Variants in ACVR1 observed in about 807,000 individuals in gnomAD.
The protein encoded by ACVR1 is activin A receptor type 1.
In ACVR1, 38 loss-of-function variants were observed where a neutral mutation model predicts 57.1. The observed-to-expected ratio is 0.67, with a 90% CI of 0.51 to 0.87. ACVR1 has a LOEUF of 0.87. Among genes scored for constraint, ACVR1 ranks in the 40% least tolerant of loss-of-function variants. The pLI, the probability that ACVR1 is intolerant of heterozygous loss-of-function variation, is 0.00. For missense variants in ACVR1, 463 were observed against 638.2 expected (o/e 0.73, Z 2.96); for synonymous variants, 212 against 228.1 (o/e 0.93, Z 0.63).
intron 3 of ACVR1, among the ~76,000 whole-genome samples, chr2:157,792,826 T>C (rs936319271): frequency 1.3e-5 from 2 of 152,226 alleles, no homozygotes; most frequent in African/African-American, 4.8e-5. Flanking sequence ...CAGTGGGTCT[T>C]ACTCCAAAAT....
At chr2:157,791,378 T>G (rs558600336) in intron 3 of ACVR1, among the ~76,000 whole-genome samples, 13 of 152,358 alleles carry the variant, frequency 8.5e-5, no homozygotes, top group African/African-American at 3.1e-4. Context: ...CCACTGTCTC[T>G]TATTATCTTT....
intron 9 of ACVR1, among the ~76,000 whole-genome samples, chr2:157,759,125 A>G (rs1160089345): frequency 3.9e-5 from 6 of 152,032 alleles, no homozygotes; most frequent in Admixed American, 6.5e-5. Context: ...AATTAATAGA[A>G]TAAGAAAGGT....
rs556805773 is a variant in ACVR1 at position 157,866,553 on chromosome 2, T to C, written c.-183+9243A>G. Among the ~76,000 whole-genome samples, 3 of 152,280 alleles carry C rather than the reference T, an allele frequency of 2.0e-5. No individual in the cohort carries two copies. The East Asian group carries it at 5.8e-4, about 29-fold the overall frequency. ...TTTTCCTCTGGCATTTTTTTCCCCA[T>C]CTTGGAGCTCCGGCAACTTCTTTTT... On this transcript the variant is annotated intron_variant, in intron 1 of 10. Coordinates refer to ENST00000434821, the MANE Select transcript of ACVR1 (RefSeq NM_001111067.4).
At chr2:157,764,363 C>CTTTTTTTTTTT (rs113156681) in intron 8 of ACVR1, among the ~76,000 whole-genome samples, 4 of 133,724 alleles carry the variant, frequency 3.0e-5, no homozygotes, top group African/African-American at 1.1e-4. Context: ...TATTATTTTT[C>CTTTTTTTTTTT]TTTTTTTTTT....
chr2:157,808,822 T>C (rs1687649280), intron 2 of ACVR1, among the ~76,000 whole-genome samples: 1 of 145,214 alleles, frequency 6.9e-6, no homozygotes, highest in Non-Finnish European at 1.5e-5. Flanking sequence ...AGGAGAAAAA[T>C]AGATCCGGCT....
intron 2 of ACVR1, among the ~76,000 whole-genome samples, chr2:157,805,811 T>TTC (rs1397700879): frequency 9.9e-6 from 1 of 100,834 alleles, no homozygotes; most frequent in African/African-American, 2.7e-5. Flanking sequence ...GGTTTTTTTT[T>TTC]TCTTTTTTCT....
chr2:157,860,003 C>T (rs1689669120), intron 1 of ACVR1: 1 of 152,054 alleles, frequency 6.6e-6, no homozygotes, highest in South Asian at 2.1e-4. Flanking sequence ...TTTGAAAAGT[C>T]TACCCCATAC....
chr2:157,762,913 AT>A (rs1482145549), intron 8 of ACVR1, among the ~76,000 whole-genome samples: 1 of 152,158 alleles, frequency 6.6e-6, no homozygotes, highest in African/African-American at 2.4e-5. Context: ...CGTTCAGATG[AT>A]TGCAACCTCC....
chr2:157,776,970 A>G (rs1460960958), intron 5 of ACVR1, among the ~76,000 whole-genome samples: 2 of 152,192 alleles, frequency 1.3e-5, no homozygotes, highest in African/African-American at 4.8e-5. Context: ...GGAGTCTCAA[A>G]TTGGTATTGG....
At position 157,844,745 on chromosome 2, in the gene ACVR1, A is replaced by C. The variant is rs562471224; in HGVS notation, c.-182-26186T>G. On this transcript the variant is annotated intron_variant, in intron 1 of 10. Transcript: ENST00000434821. The stretch of plus-strand genomic sequence containing the variant: ...GTGGTCTGAATGTTGGTGTCCCCAC[A>C]AGAATTCATACATTGGAACCTAATA... Among the ~76,000 whole-genome samples the C allele has an allele frequency of 1.1e-3, 169 of 152,252 alleles. 1 individual carries two copies. The highest frequency in any genetic ancestry group is 3.9e-3 in the African/African-American group (163 of 41,534).
intron 1 of ACVR1, among the ~76,000 whole-genome samples, chr2:157,854,198 G>A (rs1452175135): frequency 2.6e-5 from 3 of 114,546 alleles, no homozygotes; most frequent in Non-Finnish European, 5.0e-5. Context: ...CCCTAAAGGA[G>A]TAAAAAAAAA....
intron 1 of ACVR1, among the ~76,000 whole-genome samples, chr2:157,848,676 T>G (rs1327268977): frequency 6.6e-6 from 1 of 152,232 alleles, no homozygotes; most frequent in Non-Finnish European, 1.5e-5. Flanking sequence ...GCAGTCTAGT[T>G]GGGCTATTGT....
chr2:157,866,074 A>C (rs1689919853), intron 1 of ACVR1, among the ~76,000 whole-genome samples: 1 of 152,148 alleles, frequency 6.6e-6, no homozygotes, highest in African/African-American at 2.4e-5. Context: ...CAAAATAATA[A>C]AGTTATTTTA....
In ACVR1 at chr2:157,794,982, G is replaced by GT. The variant is rs75562281; in HGVS notation, c.67+4444dup. Among the ~76,000 whole-genome samples the GT allele has an allele frequency of 1.6e-3, 232 of 144,436 alleles. 1 individual carries two copies. The highest frequency in any genetic ancestry group is 9.3e-3 in the South Asian group (42 of 4,512). 94.8% of individuals were successfully genotyped at this position (144,436 alleles called of 152,430 possible). ...ACATTTCGGAGACAAAGGGGTAAAAGTTTTTTTTTTTTAAATAGACTAAGA... is the reference window on the plus strand; with the variant it reads ...ACATTTCGGAGACAAAGGGGTAAAAGTTTTTTTTTTTTTAAATAGACTAAGA... On this transcript the variant is annotated intron_variant, in intron 3 of 10. Coordinates refer to ENST00000434821, the MANE Select transcript of ACVR1 (RefSeq NM_001111067.4).
At chr2:157,836,154 T>A (rs1360997161) in intron 1 of ACVR1, among the ~76,000 whole-genome samples, 4 of 152,008 alleles carry the variant, frequency 2.6e-5, no homozygotes, top group Non-Finnish European at 4.4e-5. Context: ...TCATGGGGAG[T>A]CGTATTTCCT....
chr2:157,829,722 T>G (rs1269218583), intron 1 of ACVR1, among the ~76,000 whole-genome samples: 1 of 152,232 alleles, frequency 6.6e-6, no homozygotes, highest in Non-Finnish European at 1.5e-5. Context: ...AGCCCCAGCA[T>G]CACCTCCCAA....
chr2:157,850,380 C>T lies in ACVR1; in HGVS notation c.-183+25416G>A, dbSNP rs368076843. ...ACTCCAGCCTGGGCGACAGAAAAGA[C>T]TCAGTCTCAAAAAAAAAAAAAGAGG... is the stretch of plus-strand genomic sequence containing the variant. On this transcript the variant is annotated intron_variant, in intron 1 of 10. Coordinates refer to ENST00000434821, the MANE Select transcript of ACVR1 (RefSeq NM_001111067.4). Among the ~76,000 whole-genome samples, 59 of 150,198 alleles carry T rather than the reference C, an allele frequency of 3.9e-4. No homozygotes were observed. In the South Asian group the frequency reaches 0.012, roughly 31 times the overall value.
chr2:157,746,466 C>A (rs1684969280), intron 9 of ACVR1, among the ~76,000 whole-genome samples: 1 of 152,240 alleles, frequency 6.6e-6, no homozygotes, highest in Admixed American at 6.5e-5. Flanking sequence ...GCACTCTTCA[C>A]ACAGACTTCT....
At chr2:157,828,427 G>A (rs1688466586) in intron 1 of ACVR1, among the ~76,000 whole-genome samples, 1 of 123,982 alleles carries the variant, frequency 8.1e-6, no homozygotes, top group Admixed American at 1.1e-4. Context: ...TCCAGCCTAG[G>A]CAACAGAGCA....
Sources: allele counts gnomAD v4.1 joint callset (sites outside exome capture counted in the v4.1 genomes callset), GRCh38; gene constraint gnomAD v4.1.1; transcripts MANE v1.5; gene names NCBI Gene and HGNC (gene_info 2026-07-23, HGNC 2026-07-21).